The following MACROD2 variants were observed in gnomAD, a reference collection of about 807,000 sequenced individuals.
MACROD2 encodes ADP-ribose glycohydrolase MACROD2.
Under a neutral mutation model 70.4 loss-of-function variants are expected in MACROD2, and 36 were observed. The ratio of observed to expected loss-of-function variants is 0.51; its 90% CI spans 0.39 to 0.68. The LOEUF (loss-of-function observed/expected upper bound fraction) is 0.68. Ranked by LOEUF, MACROD2 falls within the 30% of genes least tolerant of loss-of-function variation. The probability of loss-of-function intolerance (pLI) is 0.00; values close to 1 mark genes in which losing one functional copy is unlikely to be tolerated. For missense variants in MACROD2, 496 were observed against 538.4 expected (o/e 0.92, Z 0.78); for synonymous variants, 172 against 178.8 (o/e 0.96, Z 0.30).
At chr20:15,353,943 G>A (rs1468168077) in intron 6 of MACROD2, among the ~76,000 whole-genome samples, 6 of 138,212 alleles carry the variant, frequency 4.3e-5, no homozygotes, top group Admixed American at 2.3e-4. Context: ...TCAGTGTGGC[G>A]ATTCCTCAGG....
chr20:14,128,094 G>T, intron 3 of MACROD2: 1 of 549,864 alleles, frequency 1.8e-6, no homozygotes, highest in Non-Finnish European at 3.6e-6. Context: ...TCAAGCAGTG[G>T]TCATGTGTGC....
intron 4 of MACROD2, among the ~76,000 whole-genome samples, chr20:14,561,074 GA>G (rs1568671169): frequency 6.6e-6 from 1 of 151,764 alleles, no homozygotes; most frequent in Non-Finnish European, 1.5e-5. Context: ...TGTTCAGATA[GA>G]TTGACACCTA....
intron 5 of MACROD2, among the ~76,000 whole-genome samples, chr20:15,216,329 A>G (rs2076809674): frequency 6.6e-6 from 1 of 152,072 alleles, no homozygotes. Context: ...TACACCTACT[A>G]TGTACCCACA....
At chr20:15,588,557 G>A (rs114186311) in intron 8 of MACROD2, among the ~76,000 whole-genome samples, 9,722 of 152,116 alleles carry the variant, frequency 0.064, 785 homozygotes, top group African/African-American at 0.19. Flanking sequence ...CTTTTAAAAT[G>A]GAATGCTTTT....
chr20:15,146,177 C>G (rs928860876), intron 5 of MACROD2, among the ~76,000 whole-genome samples: 3 of 152,050 alleles, frequency 2.0e-5, no homozygotes, highest in African/African-American at 4.8e-5. Context: ...ATTTTCTGCT[C>G]TTTGTTTAAT....
At position 14,579,433 on chromosome 20, in the gene MACROD2, G is replaced by A. The variant is rs191117495; in HGVS notation, c.301+85925G>A. Among the ~76,000 whole-genome samples the A allele has an allele frequency of 1.1e-3, 167 of 152,240 alleles. 3 individuals carry two copies. In the East Asian group the frequency reaches 0.031, roughly 29 times the overall value. On this transcript the variant is annotated intron_variant, in intron 4 of 17. Coordinates refer to ENST00000684519, the MANE Select transcript of MACROD2 (RefSeq NM_001351661.2). ...TGGGATTACAGGCGTGAGCCACCGCGCCCGGCCAACTGTATCCAATTCTTA... is the reference window on the plus strand; with the variant it reads ...TGGGATTACAGGCGTGAGCCACCGCACCCGGCCAACTGTATCCAATTCTTA...
chr20:14,886,472 G>A (rs2073677390), intron 5 of MACROD2, among the ~76,000 whole-genome samples: 1 of 152,084 alleles, frequency 6.6e-6, no homozygotes, highest in Non-Finnish European at 1.5e-5. Flanking sequence ...GAGAAGAGGA[G>A]TGACCTGCTC....
intron 3 of MACROD2, among the ~76,000 whole-genome samples, chr20:14,290,751 C>T (rs1312567397): frequency 1.3e-5 from 2 of 152,334 alleles, no homozygotes; most frequent in Non-Finnish European, 1.5e-5. Flanking sequence ...TCAGTTGATC[C>T]ACCCGCCTCA....
At chr20:15,323,868 G>T (rs1039827294) in intron 6 of MACROD2, among the ~76,000 whole-genome samples, 6 of 152,260 alleles carry the variant, frequency 3.9e-5, no homozygotes, top group African/African-American at 1.2e-4. Context: ...CACTTGAACA[G>T]GTAGAGCAGG....
intron 3 of MACROD2, among the ~76,000 whole-genome samples, chr20:14,465,125 G>A (rs941280730): frequency 2.0e-5 from 3 of 151,992 alleles, no homozygotes; most frequent in African/African-American, 7.3e-5. Context: ...GTCTAATGTT[G>A]ACAGTGGGGT....
At chr20:16,020,831 ACAGT>A (rs2066991898) in intron 15 of MACROD2, among the ~76,000 whole-genome samples, 2 of 152,088 alleles carry the variant, frequency 1.3e-5, no homozygotes, top group Admixed American at 6.5e-5. Flanking sequence ...GGCTCTGGTC[ACAGT>A]CAGCCCATCT....
intron 1 of MACROD2, among the ~76,000 whole-genome samples, chr20:14,001,905 C>T (rs2052737628): frequency 6.6e-6 from 1 of 152,180 alleles, no homozygotes; most frequent in Admixed American, 6.5e-5. Flanking sequence ...ACCCAATTAC[C>T]TCCCACTAGA....
intron 4 of MACROD2, among the ~76,000 whole-genome samples, chr20:14,606,913 T>C (rs1333077420): frequency 1.3e-5 from 2 of 152,184 alleles, no homozygotes; most frequent in East Asian, 3.9e-4. Context: ...GTAACACATT[T>C]GCATGTGGGA....
intron 3 of MACROD2, among the ~76,000 whole-genome samples, chr20:14,144,143 T>C (rs1315124810): frequency 1.3e-5 from 2 of 152,148 alleles, no homozygotes; most frequent in Non-Finnish European, 2.9e-5. Flanking sequence ...TTACTTGTGC[T>C]CTTGGAAATT....
Position 15,185,905 on chromosome 20 carries a change from C to T in MACROD2, c.419-44035C>T, listed in dbSNP as rs985806380. On this transcript the variant is annotated intron_variant, in intron 5 of 17. Transcript: ENST00000684519. ...CCTGTCGGGAATTTGGGGGAGAAAA[C>T]GTTTAGGAATGCAGTATTATATATC... is the stretch of plus-strand genomic sequence containing the variant. Among the ~76,000 whole-genome samples the T allele has an allele frequency of 1.9e-4, 29 of 152,024 alleles. 1 individual carries two copies. The highest frequency in any genetic ancestry group is 5.8e-4 in the African/African-American group (24 of 41,368).
In MACROD2 at chr20:15,884,011, C is replaced by T. The variant is rs1440321931; in HGVS notation, c.728-1753C>T. Among the ~76,000 whole-genome samples, 3 of 152,054 alleles carry T rather than the reference C, an allele frequency of 2.0e-5. No homozygotes were observed. In the East Asian group the frequency reaches 5.8e-4, roughly 29 times the overall value. On this transcript the variant is annotated intron_variant, in intron 9 of 17. Transcript: ENST00000684519. ...CCTAGTGCTTTACGTGGCATTATCTCATTTAAACCTTAGGAAAGCTCTATG... is the reference window on the plus strand; with the variant it reads ...CCTAGTGCTTTACGTGGCATTATCTTATTTAAACCTTAGGAAAGCTCTATG...
At chr20:15,921,130 C>T (rs958655219) in intron 10 of MACROD2, among the ~76,000 whole-genome samples, 5 of 152,180 alleles carry the variant, frequency 3.3e-5, no homozygotes, top group East Asian at 1.9e-4. Context: ...CAGCTGCCCC[C>T]GTAGACATGC....
At chr20:14,378,219 A>G (rs940440006) in intron 3 of MACROD2, among the ~76,000 whole-genome samples, 2 of 152,148 alleles carry the variant, frequency 1.3e-5, no homozygotes, top group South Asian at 4.1e-4. Context: ...GGACAATAAT[A>G]TGGGACCCAT....
At position 14,946,076 on chromosome 20, in the gene MACROD2, G is replaced by A. The variant is rs189333921; in HGVS notation, c.418+261117G>A. Among the ~76,000 whole-genome samples the A allele has an allele frequency of 2.7e-4, 41 of 152,232 alleles. No individual in the cohort carries two copies. The East Asian group carries it at 7.7e-3, about 29-fold the overall frequency. On this transcript the variant is annotated intron_variant, in intron 5 of 17. Transcript: ENST00000684519. The stretch of plus-strand genomic sequence containing the variant: ...TAGCCGGGCATATTGGCGAGTGCCT[G>A]TAATCCCAGCTACTGGGGAGGCTGA...
Sources: gnomAD v4.1 joint callset for allele counts (sites outside exome capture counted in the v4.1 genomes callset) on GRCh38, gnomAD v4.1.1 for gene constraint, MANE v1.5 for transcripts, NCBI Gene and HGNC (gene_info 2026-07-23, HGNC 2026-07-21) for gene names.